Variants in LPAR6 observed in about 807,000 individuals in gnomAD.
LPAR6 encodes lysophosphatidic acid receptor 6, also known as G-protein coupled purinergic receptor P2Y5.
LPAR6 carries 17 observed loss-of-function variants against 22.0 expected under a neutral mutation model. The ratio of observed to expected loss-of-function variants is 0.77; its 90% confidence interval spans 0.53 to 1.16. The LOEUF is 1.16. Among genes scored for constraint, LPAR6 ranks in the 50% most tolerant of loss-of-function variants. The pLI is 0.00. For synonymous variants in LPAR6, 136 were observed against 139.8 expected (o/e 0.97, Z 0.19); for missense variants, 384 against 406.9 (o/e 0.94, Z 0.48).
upstream of LPAR6, among the ~76,000 whole-genome samples, chr13:48,413,286 CG>C (rs1314737529): frequency 6.6e-6 from 1 of 152,162 alleles, no homozygotes; most frequent in African/African-American, 2.4e-5. Flanking sequence ...TGTTGAACTG[CG>C]TGGTCTGCTC....
At chr13:48,399,157 G>A (rs965281613) in intron 1 of LPAR6, among the ~76,000 whole-genome samples, 21 of 152,042 alleles carry the variant, frequency 1.4e-4, no homozygotes, top group African/African-American at 5.1e-4. Context: ...GGGAAGGGGT[G>A]ACAATGAGGT....
Position 48,418,557 on chromosome 13 carries a change from G to A in LPAR6, c.-953-1237C>T, listed in dbSNP as rs954468008. On this transcript the variant is annotated intron_variant, in intron 2 of 4. Transcript: ENST00000345941. ...AACAATATTAACCTTAAAAGTAAAC[G>A]GGCTAAGTGCCACAATTAAAAGACA... is the stretch of plus-strand genomic sequence containing the variant. Among the ~76,000 whole-genome samples the A allele has an allele frequency of 9.2e-5, 14 of 151,998 alleles. No homozygotes were observed. In the East Asian group the frequency reaches 9.7e-4, roughly 10 times the overall value.
In LPAR6 at chr13:48,411,723, T is replaced by C; in HGVS notation, c.701A>G (p.His234Arg). 1 of 1,606,244 alleles carries C rather than the reference T, an allele frequency of 6.2e-7. No homozygotes were observed. The highest frequency in any genetic ancestry group is 8.5e-7 in the Non-Finnish European group (1 of 1,173,126). The change falls in exon 1 of 1, where the codon CAT (histidine) becomes CGT (arginine). Residue 234 changes from histidine to arginine, a missense_variant. His to Arg is a conservative substitution (Grantham distance 29). Coordinates refer to ENST00000620633, the MANE Select transcript of LPAR6 (RefSeq NM_001162498.3). ...KTKVLKMIFVHLIIFCFCFVP... is the reference protein window; with the variant it reads ...KTKVLKMIFVRLIIFCFCFVP... ...AAAACAGAAACAGAATATGATCAAA[T>C]GTACAAAAATCATTTTTAAAACCTT...
chr13:48,424,367 G>A (rs1296379674), intron 1 of LPAR6, among the ~76,000 whole-genome samples: 1 of 152,100 alleles, frequency 6.6e-6, no homozygotes, highest in Non-Finnish European at 1.5e-5. Flanking sequence ...ATCTACCCAA[G>A]TTCAAAGAGT....
chr13:48,393,058 T>G (rs1474451792), intron 1 of LPAR6, among the ~76,000 whole-genome samples: 1 of 152,204 alleles, frequency 6.6e-6, no homozygotes, highest in Non-Finnish European at 1.5e-5. Flanking sequence ...CTACTGAATA[T>G]CCCATATATG....
chr13:48,428,517 A>G (rs1478787687), upstream of LPAR6, among the ~76,000 whole-genome samples: 1 of 152,274 alleles, frequency 6.6e-6, no homozygotes, highest in Admixed American at 6.5e-5. Flanking sequence ...CATTGAAACC[A>G]TATCAGACAT....
At chr13:48,438,636 T>C (rs1949206930) in intron 1 of LPAR6, among the ~76,000 whole-genome samples, 1 of 152,178 alleles carries the variant, frequency 6.6e-6, no homozygotes, top group South Asian at 2.1e-4. Context: ...TGGAACTGTG[T>C]CCTGGATCCA....
At chr13:48,439,872 G>A (rs1949219295) in intron 1 of LPAR6, 1 of 152,062 alleles carries the variant, frequency 6.6e-6, no homozygotes, top group Non-Finnish European at 1.5e-5. Context: ...AGAATATTAA[G>A]TCACTTTTCA....
intron 1 of LPAR6, chr13:48,424,141 TAAAC>T (rs1211038076): frequency 6.6e-6 from 1 of 152,476 alleles, no homozygotes; most frequent in Non-Finnish European, 1.5e-5. Flanking sequence ...TAGAAACAAA[TAAAC>T]CTTTTTCAAT....
intron 2 of LPAR6, among the ~76,000 whole-genome samples, chr13:48,418,804 A>G (rs1948958966): frequency 6.6e-6 from 1 of 152,200 alleles, no homozygotes; most frequent in Non-Finnish European, 1.5e-5. Flanking sequence ...GCATTACATA[A>G]TGGTAAAGGG....
intron 1 of LPAR6, among the ~76,000 whole-genome samples, chr13:48,435,482 T>C (rs553957266): frequency 6.6e-6 from 1 of 152,302 alleles, no homozygotes; most frequent in Non-Finnish European, 1.5e-5. Flanking sequence ...TTTTGTTAGA[T>C]ATGTGGTTAG....
At chr13:48,408,763 T>C (rs1311018145), downstream of LPAR6, 1 of 152,212 alleles carries the variant, frequency 6.6e-6, no homozygotes, top group Non-Finnish European at 1.5e-5. Flanking sequence ...GATTCATTTA[T>C]CTTCCTGTTG....
intron 2 of LPAR6, among the ~76,000 whole-genome samples, chr13:48,421,923 T>C (rs1949011964): frequency 6.6e-6 from 1 of 151,848 alleles, no homozygotes. Flanking sequence ...TTGGTGGGAG[T>C]GTAAATTAGT....
intron 1 of LPAR6, chr13:48,404,177 T>C (rs906500270): frequency 4.6e-5 from 7 of 152,006 alleles, no homozygotes; most frequent in Admixed American, 4.6e-4. Flanking sequence ...TTGTGTACAC[T>C]TACAGACACG....
chr13:48,409,299 T>A (rs1470506587), downstream of LPAR6, among the ~76,000 whole-genome samples: 1 of 151,780 alleles, frequency 6.6e-6, no homozygotes, highest in Non-Finnish European at 1.5e-5. Flanking sequence ...AAACCATGGA[T>A]CCCTAAAGAA....
At chr13:48,433,566 C>A (rs1305039012) in intron 1 of LPAR6, among the ~76,000 whole-genome samples, 5 of 151,988 alleles carry the variant, frequency 3.3e-5, no homozygotes, top group African/African-American at 9.7e-5. Flanking sequence ...ATAGGATAGA[C>A]TGTATTTAAA....
At chr13:48,396,307 C>A (rs1332351526) in intron 1 of LPAR6, among the ~76,000 whole-genome samples, 1 of 151,840 alleles carries the variant, frequency 6.6e-6, no homozygotes, top group Admixed American at 6.6e-5. Flanking sequence ...ATAAATAAAC[C>A]AACGGAACAG....
At chr13:48,438,654 T>C in intron 1 of LPAR6, among the ~76,000 whole-genome samples, 1 of 152,196 alleles carries the variant, frequency 6.6e-6, no homozygotes, top group East Asian at 1.9e-4. Flanking sequence ...CCACCACTTA[T>C]TCATGTGACT....
chr13:48,409,684 G>A (rs534437463), downstream of LPAR6, among the ~76,000 whole-genome samples: 1 of 140,642 alleles, frequency 7.1e-6, no homozygotes, highest in Admixed American at 8.1e-5. Flanking sequence ...GGGTTCAAGC[G>A]ATTCTCCTGC....
Sources: gnomAD v4.1 joint callset for allele counts (sites outside exome capture counted in the v4.1 genomes callset) on GRCh38, gnomAD v4.1.1 for gene constraint, MANE v1.5 for transcripts, NCBI Gene and HGNC (gene_info 2026-07-23, HGNC 2026-07-21) for gene names.